The following TTLL5 variants were observed in gnomAD, a reference collection of about 807,000 sequenced individuals.
The protein encoded by TTLL5 is tubulin polyglutamylase TTLL5.
Under a neutral mutation model 168.4 loss-of-function variants are expected in TTLL5, and 132 were observed. The observed-to-expected ratio is 0.78, with a 90% CI of 0.68 to 0.91. The LOEUF (loss-of-function observed/expected upper bound fraction) is 0.91, where lower values mean the gene tolerates loss of function less well. Among genes scored for constraint, TTLL5 ranks in the 40% least tolerant of loss-of-function variants. The probability of loss-of-function intolerance (pLI) is 0.00; values close to 1 mark genes in which losing one functional copy is unlikely to be tolerated. For missense variants in TTLL5, 1,545 were observed against 1,581.5 expected, an observed-to-expected ratio of 0.98 and a Z score of 0.39; for synonymous variants, 546 against 558.6, an observed-to-expected ratio of 0.98 and a Z score of 0.32.
In TTLL5 at chr14:75,727,150, A is replaced by T. The variant is rs570273587; in HGVS notation, c.1043-5188A>T. ...GTGGTAAGAGGTGTGCAGTGATAAT[A>T]TATACTTACCATATGACCCAGTAGT... On this transcript the variant is annotated intron_variant, in intron 12 of 31. Coordinates refer to ENST00000298832, the MANE Select transcript of TTLL5 (RefSeq NM_015072.5). 2.6e-5 allele frequency among the ~76,000 whole-genome samples: 4 copies of T among 152,336 alleles called. No homozygotes were observed. In the East Asian group the frequency reaches 7.7e-4, roughly 29 times the overall value.
intron 18 of TTLL5, among the ~76,000 whole-genome samples, chr14:75,757,286 G>T (rs1364828679): frequency 1.3e-5 from 2 of 152,048 alleles, no homozygotes; most frequent in African/African-American, 2.4e-5. Context: ...CCTTTTAATA[G>T]AGATTTTTTT....
rs1889510719 is a variant in TTLL5 at position 75,744,968 on chromosome 14, G to A, written c.1282-127G>A. The A allele has an allele frequency of 4.1e-6, 3 of 738,712 alleles. No homozygotes were observed. The East Asian group carries it at 8.6e-5, about 21-fold the overall frequency. 45.8% of individuals were successfully genotyped at this position (738,712 alleles called of 1,614,324 possible). A position where few individuals can be genotyped will look rare whatever the true frequency, so the allele number is the denominator to read the frequency against. Reference sequence around the variant, plus strand: ...TCCAGGCTGAGATTAATTACAGAAAGTGGGCTATGAATTTGAGCTTATAAA... The same window carrying A: ...TCCAGGCTGAGATTAATTACAGAAAATGGGCTATGAATTTGAGCTTATAAA... On this transcript the variant is annotated intron_variant, in intron 15 of 31. Transcript: ENST00000298832.
At chr14:75,904,090 G>C (rs1369735014) in intron 31 of TTLL5, 1 of 1,235,248 alleles carries the variant, frequency 8.1e-7, no homozygotes, top group East Asian at 6.1e-5. Flanking sequence ...CCAGTTCCCA[G>C]CCACACTGAT....
intron 12 of TTLL5, among the ~76,000 whole-genome samples, chr14:75,727,312 G>A (rs1417846195): frequency 2.0e-5 from 3 of 152,166 alleles, no homozygotes; most frequent in Admixed American, 6.6e-5. Flanking sequence ...TGTTGAATGG[G>A]TAAATAAATT....
At chr14:75,848,106 C>T (rs1000791900) in intron 28 of TTLL5, among the ~76,000 whole-genome samples, 1 of 151,692 alleles carries the variant, frequency 6.6e-6, no homozygotes, top group African/African-American at 2.4e-5. Flanking sequence ...CTCCTATTTC[C>T]CTTGGCCAAC....
At chr14:75,829,880 C>G (rs1193352928) in intron 28 of TTLL5, among the ~76,000 whole-genome samples, 5 of 152,114 alleles carry the variant, frequency 3.3e-5, no homozygotes, top group Non-Finnish European at 7.4e-5. Flanking sequence ...GTGATAGAAA[C>G]TGAAATCAAG....
intron 31 of TTLL5, among the ~76,000 whole-genome samples, chr14:75,931,192 C>T (rs527411363): frequency 1.3e-5 from 2 of 152,300 alleles, no homozygotes; most frequent in African/African-American, 2.4e-5. Context: ...CCTGCTCACA[C>T]GTCTCTTTGG....
chr14:75,820,259 C>G, intron 28 of TTLL5, 98 bp downstream of exon 28: 1 of 1,308,680 alleles, frequency 7.6e-7, no homozygotes, highest in South Asian at 2.0e-5. Context: ...GGAGATAGCA[C>G]TAAGGCATAT....
intron 29 of TTLL5, among the ~76,000 whole-genome samples, chr14:75,867,870 A>C (rs1193854062): frequency 6.6e-6 from 1 of 152,002 alleles, no homozygotes; most frequent in Non-Finnish European, 1.5e-5. Context: ...AGCCCAATGC[A>C]TGTCTTCTAA....
intron 29 of TTLL5, among the ~76,000 whole-genome samples, chr14:75,878,007 G>A (rs887578831): frequency 4.6e-5 from 7 of 152,178 alleles, no homozygotes; most frequent in Non-Finnish European, 1.0e-4. Flanking sequence ...CTACATTACC[G>A]ACTCTTTGGA....
At chr14:75,830,467 A>C (rs150280192) in intron 28 of TTLL5, among the ~76,000 whole-genome samples, 1,890 of 152,354 alleles carry the variant, frequency 0.012, 15 homozygotes, top group South Asian at 0.025. Flanking sequence ...AAAATATGTA[A>C]GGTAAAGCAT....
chr14:75,776,638 C>CT, intron 22 of TTLL5, 109 bp from the exon 23 acceptor site: 1 of 695,614 alleles, frequency 1.4e-6, no homozygotes, highest in African/African-American at 1.8e-5. Flanking sequence ...AATGTCTTTA[C>CT]TATAAGGACA....
intron 25 of TTLL5, 105 bp from the exon 26 acceptor site, chr14:75,783,042 A>G (rs1892151105): frequency 8.0e-7 from 1 of 1,252,640 alleles, no homozygotes; most frequent in Non-Finnish European, 1.1e-6. Flanking sequence ...TTTCTGTTTC[A>G]TGCCAAGATT....
intron 31 of TTLL5, among the ~76,000 whole-genome samples, chr14:75,936,007 A>C (rs1320101028): frequency 6.6e-6 from 1 of 152,232 alleles, no homozygotes; most frequent in African/African-American, 2.4e-5. Context: ...CCTTAAATTC[A>C]TGCTCTATTC....
intron 29 of TTLL5, among the ~76,000 whole-genome samples, chr14:75,872,064 T>C (rs557105138): frequency 6.6e-6 from 1 of 152,328 alleles, no homozygotes; most frequent in African/African-American, 2.4e-5. Flanking sequence ...AAACACACAA[T>C]TGAAAATGAA....
chr14:75,666,893 T>C (rs1313624144), intron 2 of TTLL5, among the ~76,000 whole-genome samples: 1 of 152,254 alleles, frequency 6.6e-6, no homozygotes, highest in African/African-American at 2.4e-5. Context: ...CGGTAATTAT[T>C]CAAATCCTTT....
At chr14:75,684,580 C>T (rs144788035) in intron 5 of TTLL5, 2 of 152,130 alleles carry the variant, frequency 1.3e-5, no homozygotes, top group Non-Finnish European at 2.9e-5. Flanking sequence ...CAGAGTTGAG[C>T]GTCATTGGTG....
intron 29 of TTLL5, among the ~76,000 whole-genome samples, chr14:75,870,832 G>C (rs1328296592): frequency 7.1e-6 from 1 of 139,890 alleles, no homozygotes; most frequent in East Asian, 2.1e-4. Flanking sequence ...GTCTTGCTCT[G>C]TCGCCCAGCT....
intron 29 of TTLL5, among the ~76,000 whole-genome samples, chr14:75,868,077 C>T (rs1305067480): frequency 6.6e-6 from 1 of 152,182 alleles, no homozygotes; most frequent in Non-Finnish European, 1.5e-5. Context: ...TAATTGCAGA[C>T]ATTGAGCTGA....
Sources: gnomAD v4.1 joint callset for allele counts (sites outside exome capture counted in the v4.1 genomes callset) on GRCh38, gnomAD v4.1.1 for gene constraint, MANE v1.5 for transcripts, NCBI Gene and HGNC (gene_info 2026-07-23, HGNC 2026-07-21) for gene names.